The following BICRAL variants were observed in gnomAD, a reference collection of about 807,000 sequenced individuals.
The protein encoded by BICRAL is BRD4-interacting chromatin-remodeling complex-associated protein-like.
A neutral mutation model predicts 91.8 loss-of-function variants in BICRAL; 8 were observed. That is an observed-to-expected ratio of 0.09 (90% CI 0.05 to 0.16). BICRAL has a LOEUF of 0.16. BICRAL is among the 10% of genes least tolerant of loss of function. The pLI is 1.00. For missense variants in BICRAL, 1,038 were observed against 1,310.9 expected, an observed-to-expected ratio of 0.79 and a Z score of 3.21; for synonymous variants, 445 against 491.1, an observed-to-expected ratio of 0.91 and a Z score of 1.24.
chr6:42,788,644 G>A (rs1763175098), intron 1 of BICRAL, among the ~76,000 whole-genome samples: 1 of 152,206 alleles, frequency 6.6e-6, no homozygotes, highest in Non-Finnish European at 1.5e-5. Context: ...ATTGGAGGTA[G>A]AATATAGGAC....
Position 42,828,572 on chromosome 6 carries a change from G to A in BICRAL, c.239G>A (p.Ser80Asn), listed in dbSNP as rs1194111666. 5 of 1,614,130 alleles carry A rather than the reference G, an allele frequency of 3.1e-6. No homozygotes were observed. The highest frequency in any genetic ancestry group is 4.2e-6 in the Non-Finnish European group (5 of 1,180,018). The change falls in exon 6 of 13, where the codon AGT becomes AAT. Residue 80 changes from serine to asparagine, a missense_variant. Ser to Asn is a conservative substitution (Grantham distance 46, BLOSUM62 1). Transcript: ENST00000314073. ...CCCAGTGATGGACTGCCACTTTCAA[G>A]TAGCCTCCAGTTTCTTGAAGATGAA... ...EGPSDGLPLSSSLQFLEDELE... is the reference protein window; with the variant it reads ...EGPSDGLPLSNSLQFLEDELE...
chr6:42,810,635 CTGTT>C (rs1382427442), intron 2 of BICRAL, among the ~76,000 whole-genome samples: 1 of 152,210 alleles, frequency 6.6e-6, no homozygotes, highest in East Asian at 1.9e-4. Flanking sequence ...CATTGGAAAA[CTGTT>C]TGCTCAAACA....
At chr6:42,851,134 G>A (rs1222943605) in intron 6 of BICRAL, among the ~76,000 whole-genome samples, 4 of 152,102 alleles carry the variant, frequency 2.6e-5, no homozygotes, top group African/African-American at 4.8e-5. Context: ...GCAGTGAGTC[G>A]AGATCGTGCC....
chr6:42,799,994 C>T (rs1005145057), intron 1 of BICRAL, among the ~76,000 whole-genome samples: 1 of 152,134 alleles, frequency 6.6e-6, no homozygotes, highest in Non-Finnish European at 1.5e-5. Context: ...ATTCTCCTGC[C>T]TCAGCTTCCC....
chr6:42,783,126 C>T (rs1344453791), intron 1 of BICRAL, among the ~76,000 whole-genome samples: 9 of 148,812 alleles, frequency 6.0e-5, no homozygotes, highest in East Asian at 2.0e-4. Context: ...GCGAGTCGCC[C>T]CGGCCCCGTT....
chr6:42,772,199 T>C (rs985105363), intron 1 of BICRAL, among the ~76,000 whole-genome samples: 6 of 151,494 alleles, frequency 4.0e-5, no homozygotes, highest in African/African-American at 1.5e-4. Context: ...TACATCAAGA[T>C]GCATCCTCCA....
chr6:42,761,953 G>T (rs1055305409), intron 1 of BICRAL, among the ~76,000 whole-genome samples: 11 of 151,866 alleles, frequency 7.2e-5, no homozygotes, highest in Non-Finnish European at 5.9e-5. Flanking sequence ...CAGGATTATC[G>T]TGATGTTAAA....
At chr6:42,801,222 G>A (rs1392380887) in intron 1 of BICRAL, among the ~76,000 whole-genome samples, 2 of 146,320 alleles carry the variant, frequency 1.4e-5, no homozygotes, top group African/African-American at 5.2e-5. Flanking sequence ...CTGCACTCCA[G>A]CCTGGCTGGC....
chr6:42,770,109 CT>C (rs775555923), intron 1 of BICRAL, among the ~76,000 whole-genome samples: 7 of 152,204 alleles, frequency 4.6e-5, no homozygotes, highest in Non-Finnish European at 7.3e-5. Context: ...CAAATACACT[CT>C]CTTAGGTTCC....
rs1765760417 is a variant in BICRAL, at chr6:42,867,921, C to G, written c.*2475C>G. On this transcript the variant is annotated 3_prime_UTR_variant, in exon 13 of 13. Transcript: ENST00000314073. ...TGTATTTCACTCCTGTGATTAGGTT[C>G]TACGCACATGGGTCATAACTCGCAT... The G allele has an allele frequency of 6.6e-6, 1 of 152,542 alleles. No homozygotes were observed. The highest frequency in any genetic ancestry group is 1.5e-5 in the Non-Finnish European group (1 of 68,042). The allele number at this position is 152,542 out of a possible 1,614,324, so 9.4% of individuals were successfully genotyped here.
rs571829083 is a variant in BICRAL, at chr6:42,793,343, G to A, written c.-102+11242G>A. ...TTTTTTTTGTATTTTTAGTAGAGAC[G>A]GGGTTTCACTGTGTTAGCCAGGATG... is the stretch of plus-strand genomic sequence containing the variant. On this transcript the variant is annotated intron_variant, in intron 1 of 12. Transcript: ENST00000314073. Among the ~76,000 whole-genome samples, 650 of 94,622 alleles carry A rather than the reference G, an allele frequency of 6.9e-3. 10 individuals are homozygous for A. Among genetic ancestry groups the A allele is most frequent in the African/African-American group, 0.027 (623 of 23,042 alleles). The allele number at this position is 94,622 out of a possible 152,430, so 62.1% of individuals were successfully genotyped here. A position where few individuals can be genotyped will look rare whatever the true frequency, so the allele number is the denominator to read the frequency against.
chr6:42,850,233 G>A (rs5018385), intron 6 of BICRAL, among the ~76,000 whole-genome samples: 72,958 of 151,624 alleles, frequency 0.48, 19,212 homozygotes, highest in African/African-American at 0.71. Context: ...ATATAAAACC[G>A]AAGAGGCTGG....
upstream of BICRAL, among the ~76,000 whole-genome samples, chr6:42,778,476 A>G (rs993340321): frequency 6.6e-6 from 1 of 152,218 alleles, no homozygotes; most frequent in African/African-American, 2.4e-5. Context: ...AATGTGTATA[A>G]GTATCTAGCA....
chr6:42,857,440 A>C (rs1204564728), intron 10 of BICRAL, among the ~76,000 whole-genome samples: 4 of 151,504 alleles, frequency 2.6e-5, no homozygotes, highest in African/African-American at 9.7e-5. Context: ...TTTTGAAGGG[A>C]AGTCAAGAGT....
intron 1 of BICRAL, among the ~76,000 whole-genome samples, chr6:42,758,026 G>A (rs188961702): frequency 3.8e-4 from 58 of 152,176 alleles, no homozygotes; most frequent in Admixed American, 9.8e-4. Flanking sequence ...TCTTCCAAAC[G>A]GGGGATCAGA....
intron 2 of BICRAL, among the ~76,000 whole-genome samples, chr6:42,811,837 G>C (rs1367246924): frequency 6.6e-6 from 1 of 152,162 alleles, no homozygotes; most frequent in Non-Finnish European, 1.5e-5. Flanking sequence ...ATCTGCAAGA[G>C]TGCAAAAACC....
chr6:42,782,010 G>A (rs2113858577), upstream of BICRAL: 1 of 143,726 alleles, frequency 7.0e-6, no homozygotes, highest in East Asian at 2.1e-4. Flanking sequence ...CCGCGCTCCG[G>A]CCCCCGGCCC....
At chr6:42,825,316 G>A (rs1401481071) in intron 5 of BICRAL, among the ~76,000 whole-genome samples, 26 of 143,450 alleles carry the variant, frequency 1.8e-4, no homozygotes, top group Non-Finnish European at 3.0e-4. Flanking sequence ...TGTAATCCCA[G>A]CACTTTGGGA....
chr6:42,839,010 G>A (rs1455554829), intron 6 of BICRAL, among the ~76,000 whole-genome samples: 3 of 151,668 alleles, frequency 2.0e-5, no homozygotes, highest in Non-Finnish European at 4.4e-5. Context: ...GACCAGCCTG[G>A]TCAACATGGC....
Sources: allele counts gnomAD v4.1 joint callset (sites outside exome capture counted in the v4.1 genomes callset), GRCh38; gene constraint gnomAD v4.1.1; transcripts MANE v1.5; gene names NCBI Gene and HGNC (gene_info 2026-07-23, HGNC 2026-07-21).